The following TAFA5 variants were observed in gnomAD, a reference collection of about 807,000 sequenced individuals.
TAFA5 encodes the protein TAFA chemokine like family member 5.
A neutral mutation model predicts 15.3 loss-of-function variants in TAFA5; 6 were observed. The observed-to-expected ratio is 0.39, with a 90% confidence interval of 0.21 to 0.77. The LOEUF (loss-of-function observed/expected upper bound fraction) is 0.77. TAFA5 is among the 30% of genes least tolerant of loss of function. The pLI, the probability that TAFA5 is intolerant of heterozygous loss-of-function variation, is 0.41. For missense variants in TAFA5, 161 were observed against 193.1 expected (o/e 0.83, Z 0.98); for synonymous variants, 103 against 80.7 (o/e 1.28, Z -1.48).
intron 2 of TAFA5, among the ~76,000 whole-genome samples, chr22:48,693,093 G>A (rs1347667205): frequency 1.3e-5 from 2 of 152,244 alleles, no homozygotes; most frequent in Non-Finnish European, 2.9e-5. Flanking sequence ...GCTGCCCTTC[G>A]ACCCTGTCCG....
intron 1 of TAFA5, among the ~76,000 whole-genome samples, chr22:48,511,316 C>A (rs1300171731): frequency 1.3e-5 from 2 of 152,206 alleles, no homozygotes; most frequent in African/African-American, 4.8e-5. Context: ...CTTTTGTCTC[C>A]TGCTCCTTGG....
chr22:48,489,564 C>T lies in TAFA5; in HGVS notation c.-29C>T. 3 of 1,352,298 alleles carry T rather than the reference C, an allele frequency of 2.2e-6. No homozygotes were observed. The highest frequency in any genetic ancestry group is 2.9e-6 in the Non-Finnish European group (3 of 1,022,334). 83.8% of individuals were successfully genotyped at this position (1,352,298 alleles called of 1,614,324 possible). ...CAGGGCCGGCTGCTGAGACGCGCTG[C>T]TGCCCCCCGCGCGGGCGCCGCGGCT... On this transcript the variant is annotated 5_prime_UTR_variant, in exon 1 of 4. Coordinates refer to ENST00000402357, the MANE Select transcript of TAFA5 (RefSeq NM_001082967.3). The surrounding 1 kb of genome is among the most constrained non-coding windows in gnomAD (Gnocchi z 5.5).
chr22:48,529,460 TC>T (rs1337688520), intron 1 of TAFA5, among the ~76,000 whole-genome samples: 2 of 30,960 alleles, frequency 6.5e-5, no homozygotes, highest in Non-Finnish European at 5.7e-5. Flanking sequence ...GATGGGGGTG[TC>T]CAGGCAGGAG....
chr22:48,687,423 T>C (rs1928399124), intron 2 of TAFA5, among the ~76,000 whole-genome samples: 2 of 137,916 alleles, frequency 1.5e-5, no homozygotes, highest in South Asian at 4.7e-4. Flanking sequence ...GGTGGGTAGA[T>C]AGATGGATGG....
intron 1 of TAFA5, among the ~76,000 whole-genome samples, chr22:48,579,985 T>C (rs1601591923): frequency 6.6e-6 from 1 of 152,002 alleles, no homozygotes; most frequent in Non-Finnish European, 1.5e-5. Context: ...GGCAGGGGAG[T>C]GCATTCGACG....
In TAFA5 at chr22:48,587,464, G is replaced by A. The variant is rs76434224; in HGVS notation, c.113-59133G>A. On this transcript the variant is annotated intron_variant, in intron 1 of 3. Transcript: ENST00000402357. ...AGGTGTGGGCTGCAGGCGGGTCGGG[G>A]TGGGCTGCAGGCAGGCATTTAAGGA... Among the ~76,000 whole-genome samples, 7 of 152,298 alleles carry A rather than the reference G, an allele frequency of 4.6e-5. No homozygotes were observed. The South Asian group carries it at 1.2e-3, about 27-fold the overall frequency.
At chr22:48,615,063 T>C (rs1316398178) in intron 1 of TAFA5, among the ~76,000 whole-genome samples, 1 of 152,116 alleles carries the variant, frequency 6.6e-6, no homozygotes, top group Non-Finnish European at 1.5e-5. Context: ...AACCAGATTC[T>C]AGGAAGTACT....
intron 1 of TAFA5, among the ~76,000 whole-genome samples, chr22:48,526,692 C>T (rs762178383): frequency 7.2e-5 from 11 of 152,298 alleles, no homozygotes; most frequent in South Asian, 2.1e-4. Context: ...TTATGTATCT[C>T]GGAGTTTTCA....
rs1928596766 is a variant in TAFA5, at chr22:48,693,173, C to G, written c.263-14544C>G. The G allele has an allele frequency of 4.3e-6, 4 of 924,140 alleles. No homozygotes were observed. The Admixed American group carries it at 1.0e-4, about 23-fold the overall frequency. The allele number at this position is 924,140 out of a possible 1,614,324, so 57.2% of individuals were successfully genotyped here. A position where few individuals can be genotyped will look rare whatever the true frequency, so the allele number is the denominator to read the frequency against. On this transcript the variant is annotated intron_variant, in intron 2 of 3. Coordinates refer to ENST00000402357, the MANE Select transcript of TAFA5 (RefSeq NM_001082967.3). ...TCGAAGCCTCTGCTGGAAAATACGT[C>G]CTTGTCTGCCTGGAGGGGCCTCAGT...
At chr22:48,546,924 A>T (rs1922695456) in intron 1 of TAFA5, 1 of 182,968 alleles carries the variant, frequency 5.5e-6, no homozygotes. Context: ...GAAAATAGCC[A>T]GTTGGCCAGA....
Position 48,538,146 on chromosome 22 carries a change from A to T in TAFA5, c.112+48442A>T, listed in dbSNP as rs148406478. 8.6e-3 allele frequency among the ~76,000 whole-genome samples: 1,300 copies of T among 150,804 alleles called. 12 individuals carry two copies. The highest frequency in any genetic ancestry group is 0.029 in the African/African-American group (1,183 of 40,978). On this transcript the variant is annotated intron_variant, in intron 1 of 3. Coordinates refer to ENST00000402357, the MANE Select transcript of TAFA5 (RefSeq NM_001082967.3). ...TTAAAGGGTTATAACAAAAAAAGAA[A>T]AATACGTGAAACCACCGAGATGGCC...
chr22:48,521,155 CA>C (rs1364842750), intron 1 of TAFA5, among the ~76,000 whole-genome samples: 5 of 152,208 alleles, frequency 3.3e-5, no homozygotes, highest in Admixed American at 3.3e-4. Flanking sequence ...TGGCCCATTT[CA>C]TCAGTTATTG....
intron 1 of TAFA5, among the ~76,000 whole-genome samples, chr22:48,518,569 A>G (rs973285865): frequency 6.6e-6 from 1 of 152,170 alleles, no homozygotes; most frequent in Non-Finnish European, 1.5e-5. Flanking sequence ...AAGAACCCAC[A>G]GTTCTCACGG....
intron 3 of TAFA5, among the ~76,000 whole-genome samples, chr22:48,737,885 G>A (rs1454120478): frequency 1.3e-5 from 2 of 152,248 alleles, no homozygotes; most frequent in African/African-American, 2.4e-5. Context: ...GAGCTGGACC[G>A]AGCGTGAGAT....
intron 1 of TAFA5, among the ~76,000 whole-genome samples, chr22:48,626,522 T>C (rs2147186054): frequency 6.6e-6 from 1 of 152,336 alleles, no homozygotes; most frequent in Non-Finnish European, 1.5e-5. Context: ...GCCCATGTTT[T>C]AATTGGGTCG....
chr22:48,495,570 C>T (rs534023640), intron 1 of TAFA5, among the ~76,000 whole-genome samples: 13 of 152,276 alleles, frequency 8.5e-5, no homozygotes, highest in Non-Finnish European at 1.9e-4. Flanking sequence ...TCCTTGTTCT[C>T]CCTTCCCTGG....
intron 2 of TAFA5, among the ~76,000 whole-genome samples, chr22:48,681,711 G>C (rs1928196206): frequency 6.6e-6 from 1 of 151,982 alleles, no homozygotes; most frequent in Non-Finnish European, 1.5e-5. Flanking sequence ...TTCCAAGAGA[G>C]GCGCTTTCCC....
chr22:48,646,483 C>T (rs1218939789), intron 1 of TAFA5, 114 bp from the exon 2 acceptor site: 3 of 1,351,272 alleles, frequency 2.2e-6, no homozygotes, highest in Admixed American at 2.2e-5. Context: ...AAGCGGTCTC[C>T]CTGCCCTGTG....
chr22:48,505,325 GCTCAGGGATCCAT>G (rs1920983437), intron 1 of TAFA5, among the ~76,000 whole-genome samples: 1 of 152,274 alleles, frequency 6.6e-6, no homozygotes, highest in South Asian at 2.1e-4. Flanking sequence ...GTGCCCTGAG[GCTCAGGGATCCAT>G]CATCTACACA....
Sources: allele counts gnomAD v4.1 joint callset (sites outside exome capture counted in the v4.1 genomes callset), GRCh38; gene constraint gnomAD v4.1.1; non-coding constraint Gnocchi (gnomAD v3.1); transcripts MANE v1.5; gene names NCBI Gene and HGNC (gene_info 2026-07-23, HGNC 2026-07-21).